The following HMCN1 variants were observed in gnomAD, a reference collection of about 807,000 sequenced individuals.
The protein encoded by HMCN1 is hemicentin 1.
A neutral mutation model predicts 625.9 loss-of-function variants in HMCN1; 321 were observed. The observed-to-expected ratio is 0.51, with a 90% CI of 0.47 to 0.56. The LOEUF (loss-of-function observed/expected upper bound fraction) is 0.56, where lower values mean the gene tolerates loss of function less well. Ranked by LOEUF, HMCN1 falls within the 20% of genes least tolerant of loss-of-function variation. The pLI, the probability that HMCN1 is intolerant of heterozygous loss-of-function variation, is 0.00. For synonymous variants in HMCN1, 2,425 were observed against 2,417.6 expected (o/e 1.00, Z -0.09); for missense variants, 6,588 against 6,887.3 (o/e 0.96, Z 1.54).
intron 53 of HMCN1, among the ~76,000 whole-genome samples, chr1:186,075,405 A>T (rs558804432): frequency 4.6e-5 from 7 of 152,280 alleles, no homozygotes; most frequent in Admixed American, 3.3e-4. Flanking sequence ...AAATGTAAAA[A>T]TAAAAACAAG....
intron 1 of HMCN1, among the ~76,000 whole-genome samples, chr1:185,758,036 A>G (rs1655246126): frequency 1.3e-5 from 2 of 152,216 alleles, no homozygotes; most frequent in South Asian, 2.1e-4. Context: ...CTTATTTAAA[A>G]TACGGATAGA....
intron 97 of HMCN1, among the ~76,000 whole-genome samples, chr1:186,156,073 A>G (rs1219253101): frequency 1.3e-5 from 2 of 152,220 alleles, no homozygotes; most frequent in Non-Finnish European, 2.9e-5. Context: ...ACTCACTAAC[A>G]TAAGTCAGTG....
In HMCN1 at chr1:186,038,966, G is replaced by A; in HGVS notation, c.5989G>A (p.Ala1997Thr). ...ATATAAATGCGTGGCCATCAACTCA[G>A]CTGGAGCTACAGAGTTATTTTACAG... ...GIYKCVAINS[A>T]GATELFYSLQ... Residue 1997 changes from alanine (A) to threonine (T), a missense_variant, in exon 38 of 107, where the codon GCT becomes ACT. Physicochemically the swap from Ala to Thr is moderately conservative, Grantham distance 58. Around this residue, in one of 3 missense-constraint regions of HMCN1, gnomAD observed 4,628 missense variants for 4,853.1 expected, o/e 0.95. Transcript: ENST00000271588. 2.5e-6 allele frequency: 4 copies of A among 1,613,060 alleles called. No individual in the cohort carries two copies. The highest frequency in any genetic ancestry group is 3.4e-6 in the Non-Finnish European group (4 of 1,179,202).
At chr1:185,774,306 TTTAAATTTACTTAAGAAGGG>T (rs1293533688) in intron 1 of HMCN1, among the ~76,000 whole-genome samples, 2 of 152,160 alleles carry the variant, frequency 1.3e-5, no homozygotes, top group East Asian at 3.8e-4. Flanking sequence ...AAGGGCTGCA[TTTAAATTTACTTAAGAAGGG>T]TATAACTTTG....
chr1:185,932,199 A>G (rs1667585171), intron 10 of HMCN1, among the ~76,000 whole-genome samples: 1 of 152,244 alleles, frequency 6.6e-6, no homozygotes, highest in Admixed American at 6.5e-5. Context: ...TTTAAAAAAC[A>G]TAACAAAATA....
chr1:185,797,181 G>A (rs1200319659), intron 1 of HMCN1, among the ~76,000 whole-genome samples: 1 of 152,054 alleles, frequency 6.6e-6, no homozygotes, highest in Non-Finnish European at 1.5e-5. Context: ...GCTCATTTTT[G>A]TTAATGGGGT....
intron 3 of HMCN1, among the ~76,000 whole-genome samples, chr1:185,865,189 T>C (rs1663102411): frequency 6.6e-6 from 1 of 152,210 alleles, no homozygotes; most frequent in Non-Finnish European, 1.5e-5. Flanking sequence ...ACCCTCTTTT[T>C]GAGACCAGTA....
At chr1:186,052,435 C>T (rs1657017415) in intron 42 of HMCN1, among the ~76,000 whole-genome samples, 1 of 152,020 alleles carries the variant, frequency 6.6e-6, no homozygotes, top group Non-Finnish European at 1.5e-5. Flanking sequence ...AGCTGTAGGC[C>T]AGTAGAGAAG....
chr1:186,125,194 A>G (rs1259855985), intron 81 of HMCN1, among the ~76,000 whole-genome samples: 4 of 152,068 alleles, frequency 2.6e-5, no homozygotes, highest in Admixed American at 2.6e-4. Flanking sequence ...TTTTATGGTG[A>G]CTATTATTAG....
chr1:185,957,597 C>T (rs1265066192), intron 11 of HMCN1, among the ~76,000 whole-genome samples: 3 of 152,154 alleles, frequency 2.0e-5, no homozygotes, highest in Non-Finnish European at 4.4e-5. Context: ...TCAATCTGAG[C>T]ATATTCAGTG....
Position 185,989,454 on chromosome 1 carries a change from CAAAA to C in HMCN1, c.3049-31_3049-28del, listed in dbSNP as rs143748038. On this transcript the variant is annotated intron_variant, in intron 20 of 106. Transcript: ENST00000271588. ...TATAATCTTGAAACAAACAAACAAA[CAAAA>C]AACCCTTTGCTTTTCGCCGTGTTTT... The C allele has an allele frequency of 8.1e-3, 13,002 of 1,612,116 alleles. 792 individuals are homozygous for C. In the African/African-American group the frequency reaches 0.14, roughly 18 times the overall value.
chr1:185,793,024 G>T (rs191963436), intron 1 of HMCN1, among the ~76,000 whole-genome samples: 15 of 152,282 alleles, frequency 9.9e-5, no homozygotes, highest in Admixed American at 2.6e-4. Context: ...ACAACTTGTA[G>T]ACAGTTACAG....
intron 66 of HMCN1, 71 bp from the exon 67 acceptor site, chr1:186,094,205 A>T: frequency 8.4e-7 from 1 of 1,192,126 alleles, no homozygotes; most frequent in Non-Finnish European, 1.3e-6. Context: ...CCTATTTATA[A>T]ATCATAATTA....
In HMCN1 at chr1:186,190,050, C is replaced by A; in HGVS notation, c.*172C>A. ...TTCTGAGGTATTTTCATGATCCCAC[C>A]ATGGTCATATCTTGAAGTATGGTCT... On this transcript the variant is annotated 3_prime_UTR_variant, in exon 107 of 107. Transcript: ENST00000271588. 1 of 735,040 alleles carries A rather than the reference C, an allele frequency of 1.4e-6. No homozygotes were observed. The highest frequency in any genetic ancestry group is 2.4e-6 in the Non-Finnish European group (1 of 424,874). The allele number at this position is 735,040 out of a possible 1,614,324, so 45.5% of individuals were successfully genotyped here.
intron 11 of HMCN1, among the ~76,000 whole-genome samples, chr1:185,940,880 C>G (rs1222058206): frequency 1.3e-5 from 2 of 152,328 alleles, no homozygotes; most frequent in East Asian, 3.9e-4. Flanking sequence ...TCTCCTGCCT[C>G]AGCCTCCTCA....
At chr1:185,904,614 G>A (rs1338860712) in intron 4 of HMCN1, among the ~76,000 whole-genome samples, 1 of 151,738 alleles carries the variant, frequency 6.6e-6, no homozygotes, top group African/African-American at 2.4e-5. Context: ...AATAGAAAGT[G>A]AAAGACAAGA....
chr1:185,804,347 GTT>G (rs913046104), intron 1 of HMCN1, among the ~76,000 whole-genome samples: 8 of 150,136 alleles, frequency 5.3e-5, no homozygotes, highest in African/African-American at 2.0e-4. Context: ...TGATTCTAGT[GTT>G]TGTTGAGTTG....
Position 186,117,020 on chromosome 1 carries a change from T to C in HMCN1, c.11588T>C (p.Ile3863Thr). ...YRLLSSGSLV[I>T]ISPSVDDTAT... The stretch of plus-strand genomic sequence containing the variant: ...CTCCTTTCTTCAGGTTCACTAGTAA[T>C]TATTTCCCCTTCTGTGGATGACACT... Residue 3863 changes from isoleucine to threonine, a missense_variant, in exon 76 of 107, where the codon ATT becomes ACT. Ile to Thr is a moderately conservative substitution (Grantham distance 89). Coordinates refer to ENST00000271588, the MANE Select transcript of HMCN1 (RefSeq NM_031935.3). 1 of 1,613,340 alleles carries C rather than the reference T, an allele frequency of 6.2e-7. No homozygotes were observed.
chr1:186,078,304 C>T (rs563224037), intron 55 of HMCN1, 84 bp downstream of exon 55: 42 of 938,654 alleles, frequency 4.5e-5, no homozygotes, highest in African/African-American at 1.5e-4. Context: ...TTACACTAAG[C>T]GCTTTTGAGA....
Sources: allele counts gnomAD v4.1 joint callset (sites outside exome capture counted in the v4.1 genomes callset), GRCh38; gene constraint gnomAD v4.1.1; regional missense constraint gnomAD v4.1.1; transcripts MANE v1.5; gene names NCBI Gene and HGNC (gene_info 2026-07-23, HGNC 2026-07-21).